Variants in PAQR5 observed in about 807,000 individuals in gnomAD.
The protein encoded by PAQR5 is progestin and adipoQ receptor family member 5.
A neutral mutation model predicts 34.5 loss-of-function variants in PAQR5; 20 were observed. The ratio of observed to expected loss-of-function variants is 0.58; its 90% CI spans 0.41 to 0.84. The LOEUF (loss-of-function observed/expected upper bound fraction) is 0.84, where lower values mean the gene tolerates loss of function less well. PAQR5 is among the 40% of genes least tolerant of loss of function. PAQR5 has a pLI of 0.00. For synonymous variants in PAQR5, 131 were observed against 155.6 expected, an observed-to-expected ratio of 0.84 and a Z score of 1.18; for missense variants, 378 against 412.7, an observed-to-expected ratio of 0.92 and a Z score of 0.73.
At chr15:69,383,369 G>A (rs2055978857) in intron 4 of PAQR5, among the ~76,000 whole-genome samples, 1 of 27,390 alleles carries the variant, frequency 3.7e-5, no homozygotes, top group Non-Finnish European at 8.0e-5. Context: ...GGGCCTTTGT[G>A]TACATGGTGG....
intron 2 of PAQR5, among the ~76,000 whole-genome samples, chr15:69,344,330 G>C (rs2054714181): frequency 6.6e-6 from 1 of 152,206 alleles, no homozygotes. Context: ...TGTCATGCCA[G>C]AGAGAGGAAA....
intron 2 of PAQR5, among the ~76,000 whole-genome samples, chr15:69,342,752 C>T (rs1481752024): frequency 6.6e-6 from 1 of 152,154 alleles, no homozygotes; most frequent in African/African-American, 2.4e-5. Context: ...TAGACAGGAG[C>T]CCCAGGGGAG....
intron 6 of PAQR5, chr15:69,391,833 G>A (rs1014379945): frequency 2.6e-6 from 1 of 392,024 alleles, no homozygotes; most frequent in Admixed American, 2.9e-5. Context: ...CAGGTGGGTG[G>A]ATCACCTGAG....
At chr15:69,341,692 C>T (rs2054648433) in intron 2 of PAQR5, among the ~76,000 whole-genome samples, 1 of 152,098 alleles carries the variant, frequency 6.6e-6, no homozygotes, top group African/African-American at 2.4e-5. Flanking sequence ...CACCTGTAAT[C>T]CCAGTACTTC....
chr15:69,377,041 G>A (rs1053865694), intron 3 of PAQR5, among the ~76,000 whole-genome samples: 16 of 152,170 alleles, frequency 1.1e-4, no homozygotes, highest in Non-Finnish European at 1.2e-4. Context: ...CCAGTGCTCT[G>A]AAATGTTTCT....
chr15:69,395,854 TACAG>T (rs755414458), intron 6 of PAQR5, among the ~76,000 whole-genome samples: 193 of 152,130 alleles, frequency 1.3e-3, no homozygotes, highest in Non-Finnish European at 7.1e-4. Context: ...ATGTATGACT[TACAG>T]GCAGGGTCAG....
At chr15:69,323,106 G>A (rs199659789) in intron 1 of PAQR5, among the ~76,000 whole-genome samples, 5,860 of 152,038 alleles carry the variant, frequency 0.039, 228 homozygotes, top group East Asian at 0.15. Flanking sequence ...ATAAAGTGTG[G>A]AACATGGGGC....
intron 4 of PAQR5, among the ~76,000 whole-genome samples, chr15:69,384,440 GCGGGCCC>G (rs2056044299): frequency 1.4e-5 from 1 of 71,738 alleles, no homozygotes; most frequent in African/African-American, 4.8e-5. Flanking sequence ...TGGAGGGTGA[GCGGGCCC>G]TCCGTGTTCA....
intron 1 of PAQR5, among the ~76,000 whole-genome samples, chr15:69,330,859 C>A (rs1341420775): frequency 6.6e-6 from 1 of 152,190 alleles, no homozygotes; most frequent in Non-Finnish European, 1.5e-5. Flanking sequence ...GCAAGGTGAA[C>A]CCCTTGGGCA....
At chr15:69,402,602 C>G (rs548292466) in intron 8 of PAQR5, among the ~76,000 whole-genome samples, 1 of 152,352 alleles carries the variant, frequency 6.6e-6, no homozygotes, top group South Asian at 2.1e-4. Context: ...AGGCGTGAAC[C>G]ACCGCGCCTG....
chr15:69,318,718 T>A lies in PAQR5; in HGVS notation c.-276-18623T>A, dbSNP rs142006285. 5.5e-4 allele frequency among the ~76,000 whole-genome samples: 83 copies of A among 152,176 alleles called. 1 individual carries two copies. Among genetic ancestry groups the A allele is most frequent in the African/African-American group, 1.9e-3 (78 of 41,522 alleles). On this transcript the variant is annotated intron_variant, in intron 1 of 8. Coordinates refer to ENST00000395407, the MANE Select transcript of PAQR5 (RefSeq NM_017705.4). ...CTGAAACCACAGATAGTACTAAACC[T>A]GGTATATACTATGTTTTTTCCTGTA...
At chr15:69,374,536 G>A (rs917304930) in intron 3 of PAQR5, among the ~76,000 whole-genome samples, 10 of 152,136 alleles carry the variant, frequency 6.6e-5, no homozygotes, top group African/African-American at 2.4e-4. Flanking sequence ...ATTTAGCTGG[G>A]CATAGTGGCA....
intron 1 of PAQR5, among the ~76,000 whole-genome samples, chr15:69,318,893 G>T (rs922378473): frequency 1.3e-5 from 2 of 151,804 alleles, no homozygotes; most frequent in South Asian, 2.1e-4. Context: ...CACTTTGGGA[G>T]GCCGAGGCAG....
intron 1 of PAQR5, among the ~76,000 whole-genome samples, chr15:69,300,571 CTCTTTCTTTCTTTCTTTCCT>C (rs2053512278): frequency 6.9e-6 from 1 of 144,620 alleles, no homozygotes; most frequent in Admixed American, 7.1e-5. Flanking sequence ...TTCTTTCTTT[CTCTTTCTTTCTTTCTTTCCT>C]TCTTTCTTTC....
At chr15:69,345,543 G>A (rs1369958753) in intron 2 of PAQR5, among the ~76,000 whole-genome samples, 2 of 152,154 alleles carry the variant, frequency 1.3e-5, no homozygotes, top group African/African-American at 2.4e-5. Flanking sequence ...ATTTTGCTTG[G>A]TCTCAAATGG....
chr15:69,324,126 G>A (rs1450129158), intron 1 of PAQR5, among the ~76,000 whole-genome samples: 10 of 38,214 alleles, frequency 2.6e-4, no homozygotes, highest in Non-Finnish European at 6.0e-4. Context: ...GGGATAGCTA[G>A]GGCAAAAAAA....
intron 1 of PAQR5, among the ~76,000 whole-genome samples, chr15:69,317,300 C>T (rs1041044711): frequency 2.0e-5 from 3 of 152,264 alleles, no homozygotes; most frequent in Non-Finnish European, 2.9e-5. Context: ...ATTATGCAGG[C>T]GGGGGCATCC....
chr15:69,384,777 T>G lies in PAQR5; in HGVS notation c.280T>G (p.Tyr94Asp), dbSNP rs780985848. Residue 94 changes from tyrosine (Y) to aspartate (D), a missense_variant, in exon 5 of 9, where the codon TAC (tyrosine) becomes GAC (aspartate). Tyr to Asp is a radical substitution (Grantham distance 160). Transcript: ENST00000395407. Reference protein sequence around the residue: ...MLVYMCTSCVYPLVSSCAHTF... With the variant: ...MLVYMCTSCVDPLVSSCAHTF... ...TGTGTACATGTGCACCAGCTGCGTG[T>G]ACCCACTTGTGTCCAGCTGTGCGCA... The G allele has an allele frequency of 6.2e-7, 1 of 1,613,862 alleles. No individual in the cohort carries two copies. Among genetic ancestry groups the G allele is most frequent in the South Asian group, 1.1e-5 (1 of 91,078 alleles).
rs141410277 is a variant in PAQR5, at chr15:69,397,629, G to A, written c.609+65G>A. The A allele has an allele frequency of 1.2e-3, 1,251 of 1,073,938 alleles. 13 individuals carry two copies. In the African/African-American group the frequency reaches 0.018, roughly 15 times the overall value. 66.5% of individuals were successfully genotyped at this position (1,073,938 alleles called of 1,614,324 possible). ...ACCAGGAAGTCAGTTGTTTTCCTGAGCTTCTGGGGGGTCACAGCACTGCAA... is the reference window on the plus strand; with the variant it reads ...ACCAGGAAGTCAGTTGTTTTCCTGAACTTCTGGGGGGTCACAGCACTGCAA... On this transcript the variant is annotated intron_variant, in intron 7 of 8. Coordinates refer to ENST00000395407, the MANE Select transcript of PAQR5 (RefSeq NM_017705.4).
Sources: gnomAD v4.1 joint callset for allele counts (sites outside exome capture counted in the v4.1 genomes callset) on GRCh38, gnomAD v4.1.1 for gene constraint, MANE v1.5 for transcripts, NCBI Gene and HGNC (gene_info 2026-07-23, HGNC 2026-07-21) for gene names.